The following CDH12 variants were observed in gnomAD, a reference collection of about 807,000 sequenced individuals.
The protein encoded by CDH12 is cadherin 12.
CDH12 carries 41 observed loss-of-function variants against 74.1 expected under a neutral mutation model. That is an observed-to-expected ratio of 0.55 (90% confidence interval 0.43 to 0.72). The LOEUF (loss-of-function observed/expected upper bound fraction) is 0.72. Ranked by LOEUF, CDH12 falls within the 30% of genes least tolerant of loss-of-function variation. The pLI is 0.00. For synonymous variants in CDH12, 399 were observed against 355.0 expected (o/e 1.12, Z -1.39); for missense variants, 945 against 977.2 (o/e 0.97, Z 0.44).
chr5:22,481,649 A>T (rs1071938), intron 2 of CDH12, among the ~76,000 whole-genome samples: 143,172 of 152,230 alleles, frequency 0.94, 67,418 homozygotes, highest in Admixed American at 0.97. Flanking sequence ...GAAATATTCA[A>T]ACTCAAAGAA....
At chr5:22,082,551 T>C (rs1017351260) in intron 4 of CDH12, among the ~76,000 whole-genome samples, 1 of 152,220 alleles carries the variant, frequency 6.6e-6, no homozygotes, top group Non-Finnish European at 1.5e-5. Context: ...TGGTGCACAG[T>C]TCAAACCTTA....
chr5:22,821,614 C>G lies in CDH12; in HGVS notation c.-523+31444G>C, dbSNP rs202233100. Reference sequence around the variant, plus strand: ...TAACAGACAGAGAGCCAAATCATGACTGAACTCCCATTCACAATTGCTTCA... The same window carrying G: ...TAACAGACAGAGAGCCAAATCATGAGTGAACTCCCATTCACAATTGCTTCA... On this transcript the variant is annotated intron_variant, in intron 1 of 14. Transcript: ENST00000382254. 1.1e-4 allele frequency among the ~76,000 whole-genome samples: 16 copies of G among 151,144 alleles called. No individual in the cohort carries two copies. In the East Asian group the frequency reaches 1.2e-3, roughly 11 times the overall value.
rs188513998 is a variant in CDH12 at position 22,459,737 on chromosome 5, C to A, written c.-428+45533G>T. 3.3e-5 allele frequency among the ~76,000 whole-genome samples: 5 copies of A among 152,140 alleles called. No homozygotes were observed. The East Asian group carries it at 9.7e-4, about 29-fold the overall frequency. On this transcript the variant is annotated intron_variant, in intron 2 of 14. Coordinates refer to ENST00000382254, the MANE Select transcript of CDH12 (RefSeq NM_004061.5). ...CGCTTGTAATCCCAGCACTTTGAGG[C>A]GGGTGGATCATGAGGTCAGGAGATC...
chr5:22,733,258 A>G (rs1305702569), intron 1 of CDH12, among the ~76,000 whole-genome samples: 1 of 151,918 alleles, frequency 6.6e-6, no homozygotes, highest in African/African-American at 2.4e-5. Context: ...CTTCATCACA[A>G]TGTTAATTAA....
chr5:22,150,415 C>A (rs1389014978), intron 4 of CDH12, among the ~76,000 whole-genome samples: 1 of 151,874 alleles, frequency 6.6e-6, no homozygotes, highest in Admixed American at 6.6e-5. Context: ...GCCTACTATT[C>A]ATTCAGTACT....
At chr5:22,596,174 T>C (rs1038966341) in intron 1 of CDH12, among the ~76,000 whole-genome samples, 3 of 151,778 alleles carry the variant, frequency 2.0e-5, no homozygotes, top group Middle Eastern at 6.8e-3. Context: ...TGGTGGCTCA[T>C]GTCTGTAATC....
At chr5:22,383,084 G>C (rs750270415) in intron 3 of CDH12, among the ~76,000 whole-genome samples, 2 of 122,288 alleles carry the variant, frequency 1.6e-5, no homozygotes, top group South Asian at 2.4e-4. Flanking sequence ...CACCCTCCTC[G>C]GCCTCGCAAA....
intron 3 of CDH12, among the ~76,000 whole-genome samples, chr5:22,382,942 T>C (rs1741832586): frequency 6.6e-6 from 1 of 152,124 alleles, no homozygotes; most frequent in Admixed American, 6.5e-5. Context: ...ACAATTCTCC[T>C]GCCTCAGCCT....
At chr5:22,096,381 C>A (rs1229048495) in intron 4 of CDH12, among the ~76,000 whole-genome samples, 2 of 152,058 alleles carry the variant, frequency 1.3e-5, no homozygotes, top group Non-Finnish European at 2.9e-5. Flanking sequence ...CCCAATGCAA[C>A]TCATCCCAAA....
chr5:22,542,641 T>A (rs995096589), intron 1 of CDH12, among the ~76,000 whole-genome samples: 1 of 152,126 alleles, frequency 6.6e-6, no homozygotes, highest in Admixed American at 6.6e-5. Context: ...GTGGGGAACC[T>A]TAAAAAGATT....
intron 4 of CDH12, among the ~76,000 whole-genome samples, chr5:22,175,194 G>T (rs1482710586): frequency 6.6e-6 from 1 of 151,896 alleles, no homozygotes; most frequent in South Asian, 2.1e-4. Context: ...AGGTTTAATA[G>T]GGTTTCTAAA....
intron 9 of CDH12, among the ~76,000 whole-genome samples, chr5:21,814,142 A>AGTGT (rs59666017): frequency 0.092 from 13,383 of 145,350 alleles, 633 homozygotes; most frequent in Admixed American, 0.14. Flanking sequence ...AGGAGAAATG[A>AGTGT]GTGTGTGTGT....
At chr5:21,806,395 A>G (rs1747428712) in intron 9 of CDH12, among the ~76,000 whole-genome samples, 2 of 151,892 alleles carry the variant, frequency 1.3e-5, no homozygotes, top group South Asian at 2.1e-4. Flanking sequence ...ACTATCATCT[A>G]TTTTCTCTGA....
At chr5:21,813,990 C>T (rs10063217) in intron 9 of CDH12, among the ~76,000 whole-genome samples, 37,113 of 151,944 alleles carry the variant, frequency 0.24, 5,188 homozygotes, top group East Asian at 0.4. Flanking sequence ...GTTCACTGCC[C>T]TATCTCCATA....
intron 5 of CDH12, among the ~76,000 whole-genome samples, chr5:22,045,797 T>A (rs1322415669): frequency 6.6e-6 from 1 of 152,048 alleles, no homozygotes; most frequent in Non-Finnish European, 1.5e-5. Flanking sequence ...AGGAGGATAG[T>A]GGTAGGAGTG....
intron 4 of CDH12, among the ~76,000 whole-genome samples, chr5:22,124,269 G>A (rs59967933): frequency 0.012 from 1,800 of 152,114 alleles, 33 homozygotes; most frequent in African/African-American, 0.04. Context: ...GATCACATGC[G>A]TGGGCCACCA....
At chr5:22,331,078 G>A (rs1336000488) in intron 3 of CDH12, among the ~76,000 whole-genome samples, 1 of 152,122 alleles carries the variant, frequency 6.6e-6, no homozygotes, top group African/African-American at 2.4e-5. Flanking sequence ...CTGTGGAAAG[G>A]GGAAAAAATA....
intron 4 of CDH12, among the ~76,000 whole-genome samples, chr5:22,103,387 T>C (rs963848668): frequency 1.3e-5 from 2 of 152,162 alleles, no homozygotes; most frequent in Non-Finnish European, 2.9e-5. Context: ...ATCCAAATGA[T>C]AGAGGAAAAG....
intron 5 of CDH12, among the ~76,000 whole-genome samples, chr5:22,035,706 T>TCACACACACACACA (rs1386026784): frequency 2.3e-4 from 27 of 117,040 alleles, no homozygotes; most frequent in African/African-American, 9.6e-4. Flanking sequence ...TTTTTACACT[T>TCACACACACACACA]CACACATACA....
Sources: allele counts gnomAD v4.1 joint callset (sites outside exome capture counted in the v4.1 genomes callset), GRCh38; gene constraint gnomAD v4.1.1; transcripts MANE v1.5; gene names NCBI Gene and HGNC (gene_info 2026-07-23, HGNC 2026-07-21).